LARP1: variants seen among roughly 807,000 people sequenced by gnomAD.
LARP1 encodes la-related protein 1.
In LARP1, 36 loss-of-function variants were observed where a neutral mutation model predicts 122.7. The ratio of observed to expected loss-of-function variants is 0.29; its 90% CI spans 0.22 to 0.39. The LOEUF (loss-of-function observed/expected upper bound fraction) is 0.39. LARP1 is among the 10% of genes least tolerant of loss of function. LARP1 has a pLI of 1.00. For synonymous variants in LARP1, 539 were observed against 528.7 expected (o/e 1.02, Z -0.27); for missense variants, 1,040 against 1,403.6 (o/e 0.74, Z 4.14).
At chr5:154,711,935 C>T (rs2113294895), upstream of LARP1, among the ~76,000 whole-genome samples, 1 of 152,300 alleles carries the variant, frequency 6.6e-6, no homozygotes, top group South Asian at 2.1e-4. Flanking sequence ...CTCCTGACCA[C>T]ATCATTGAAA....
Position 154,813,966 on chromosome 5 carries a change from G to A in LARP1, c.3161G>A (p.Cys1054Tyr), listed in dbSNP as rs1339571544. ...GGGGGEGRKR[C>Y]PSQSSSRPAA... Reference sequence around the variant, plus strand: ...GGCGGCGGTGAGGGCAGGAAGCGGTGCCCCTCCCAGTCTTCCAGCAGGCCT... The same window carrying A: ...GGCGGCGGTGAGGGCAGGAAGCGGTACCCCTCCCAGTCTTCCAGCAGGCCT... The change falls in exon 19 of 19, where the codon TGC becomes TAC. Residue 1054 changes from cysteine (C) to tyrosine (Y), a missense_variant. Physicochemically the swap from Cys to Tyr is radical, Grantham distance 194. Coordinates refer to ENST00000518297, the MANE Select transcript of LARP1 (RefSeq NM_033551.3). 6.2e-7 allele frequency: 1 copy of A among 1,613,920 alleles called. No homozygotes were observed. Among genetic ancestry groups the A allele is most frequent in the Non-Finnish European group, 8.5e-7 (1 of 1,179,974 alleles).
At position 154,734,107 on chromosome 5, in the gene LARP1, C is replaced by T. The variant is rs541170221; in HGVS notation, c.205+20977C>T. The stretch of plus-strand genomic sequence containing the variant: ...ACTTGAACCTGGGAGGCAGAGGTTG[C>T]AGTGAGCCGAGATCACGCTATTGTA... On this transcript the variant is annotated intron_variant, in intron 1 of 18. Coordinates refer to the LARP1 transcript ENST00000336314. Among the ~76,000 whole-genome samples, 11 of 150,704 alleles carry T rather than the reference C, an allele frequency of 7.3e-5. No individual in the cohort carries two copies. In the South Asian group the frequency reaches 2.3e-3, roughly 32 times the overall value.
intron 6 of LARP1, 47 bp from the exon 7 acceptor site, chr5:154,794,053 G>C: frequency 6.2e-7 from 1 of 1,611,542 alleles, no homozygotes; most frequent in Non-Finnish European, 8.5e-7. Context: ...CAGCAGGGGT[G>C]GTGGGCAGGA....
At chr5:154,703,872 CA>C (rs1278173263) in intron 1 of LARP1, among the ~76,000 whole-genome samples, 1 of 152,154 alleles carries the variant, frequency 6.6e-6, no homozygotes, top group African/African-American at 2.4e-5. Context: ...CCGCCCTCCT[CA>C]GCCTGCCAAA....
intron 8 of LARP1, among the ~76,000 whole-genome samples, chr5:154,798,145 C>T (rs946764067): frequency 3.9e-5 from 6 of 152,092 alleles, no homozygotes; most frequent in African/African-American, 1.4e-4. Context: ...TCTCCCTACC[C>T]CTATAATTTT....
chr5:154,770,232 ATT>A (rs113245853), intron 1 of LARP1, among the ~76,000 whole-genome samples: 26 of 141,104 alleles, frequency 1.8e-4, no homozygotes, highest in Admixed American at 1.4e-4. Context: ...CTTGGGCCTG[ATT>A]TTTTTTTTTT....
chr5:154,805,120 G>A lies in LARP1; in HGVS notation c.2547-761G>A, dbSNP rs557113015. On this transcript the variant is annotated intron_variant, in intron 14 of 18. Transcript: ENST00000518297. ...ATATTACTAAGAAAATCACAAAGAAGGGAACAACAAACACTGGGGCCTACT... is the reference window on the plus strand; with the variant it reads ...ATATTACTAAGAAAATCACAAAGAAAGGAACAACAAACACTGGGGCCTACT... 1.6e-4 allele frequency: 54 copies of A among 341,060 alleles called. 1 individual carries two copies. Among genetic ancestry groups the A allele is most frequent in the South Asian group, 1.1e-3 (45 of 42,254 alleles). The allele number at this position is 341,060 out of a possible 1,614,324, so 21.1% of individuals were successfully genotyped here.
At chr5:154,801,895 A>G (rs1237950466) in intron 10 of LARP1, 112 bp from the exon 11 acceptor site, 8 of 979,898 alleles carry the variant, frequency 8.2e-6, no homozygotes, top group African/African-American at 1.6e-5. Flanking sequence ...CCAGGGTCAT[A>G]GTTGAACAGT....
intron 1 of LARP1, among the ~76,000 whole-genome samples, chr5:154,749,779 G>A (rs967269841): frequency 6.6e-6 from 1 of 152,194 alleles, no homozygotes; most frequent in Non-Finnish European, 1.5e-5. Context: ...ATTAGTGCAA[G>A]CTCTTCCAGG....
chr5:154,731,191 G>GA (rs1160433245), intron 1 of LARP1, among the ~76,000 whole-genome samples: 26 of 150,824 alleles, frequency 1.7e-4, no homozygotes, highest in Admixed American at 9.2e-4. Flanking sequence ...TGTGAAAGGA[G>GA]AAAAAAAACA....
chr5:154,733,204 G>A (rs1756687017), intron 1 of LARP1, among the ~76,000 whole-genome samples: 1 of 152,188 alleles, frequency 6.6e-6, no homozygotes, highest in African/African-American at 2.4e-5. Context: ...ACCAATTTAA[G>A]TAACACATAC....
chr5:154,720,693 CAGAG>C (rs1335920508), intron 1 of LARP1, among the ~76,000 whole-genome samples: 1 of 152,054 alleles, frequency 6.6e-6, no homozygotes, highest in Non-Finnish European at 1.5e-5. Flanking sequence ...GCCTGGGCAA[CAGAG>C]AGAGACCGTG....
chr5:154,718,138 T>A (rs1755627129), intron 1 of LARP1, among the ~76,000 whole-genome samples: 1 of 152,136 alleles, frequency 6.6e-6, no homozygotes, highest in South Asian at 2.1e-4. Flanking sequence ...CCCAGCCTGG[T>A]CTCAAATTCC....
Position 154,795,302 on chromosome 5 carries a change from A to G in LARP1, c.1360A>G (p.Ile454Val). 6.2e-7 allele frequency: 1 copy of G among 1,613,758 alleles called. No homozygotes were observed. Among genetic ancestry groups the G allele is most frequent in the Non-Finnish European group, 8.5e-7 (1 of 1,179,872 alleles). ...FHRVQALTTD[I>V]SLIFAALKDS... ...CCGAGTGCAGGCCCTTACCACTGAC[A>G]TTTCACTCATCTTTGCGGTATGTCT... The change falls in exon 8 of 19, where the codon ATT becomes GTT. Residue 454 changes from isoleucine to valine, a missense_variant. By Grantham distance (29) the Ile-to-Val change is conservative (BLOSUM62 3). This residue lies in a region of LARP1 where 362 missense variants were observed against 533.1 expected (regional missense o/e 0.68). Coordinates refer to ENST00000518297, the MANE Select transcript of LARP1 (RefSeq NM_033551.3).
At chr5:154,699,313 C>T (rs1166240713) in intron 1 of LARP1, among the ~76,000 whole-genome samples, 1 of 152,098 alleles carries the variant, frequency 6.6e-6, no homozygotes, top group African/African-American at 2.4e-5. Context: ...GATTCTTGGG[C>T]CCCATTCCTG....
chr5:154,715,233 T>C (rs1286224195), intron 1 of LARP1, among the ~76,000 whole-genome samples: 3 of 151,014 alleles, frequency 2.0e-5, no homozygotes, highest in Non-Finnish European at 4.4e-5. Context: ...AGGGTCATGT[T>C]AGCCAGTCCC....
Position 154,717,349 on chromosome 5 carries a change from T to G in LARP1, c.205+4219T>G, listed in dbSNP as rs367936146. Among the ~76,000 whole-genome samples, 7 of 152,316 alleles carry G rather than the reference T, an allele frequency of 4.6e-5. No individual in the cohort carries two copies. The East Asian group carries it at 1.4e-3, about 29-fold the overall frequency. On this transcript the variant is annotated intron_variant, in intron 1 of 18. Transcript: ENST00000336314. ...TGGTTATTCAACCTCTGCATTGCAC[T>G]CTACTCCTTACTTACATAGCTGGGC...
In LARP1 at chr5:154,811,576, A is replaced by G. The variant is rs771852927; in HGVS notation, c.3017A>G (p.Asp1006Gly). 6.2e-7 allele frequency: 1 copy of G among 1,614,212 alleles called. No homozygotes were observed. The highest frequency in any genetic ancestry group is 8.5e-7 in the Non-Finnish European group (1 of 1,180,042). ...FLKYSKAKNL[D>G]IDPKLQEYLG... ...AAATATTCCAAAGCCAAAAATTTGG[A>G]CATTGACCCCAAACTGCAAGAATAC... Residue 1006 changes from aspartate to glycine, a missense_variant, in exon 18 of 19, where the codon GAC (aspartate) becomes GGC (glycine). By Grantham distance (94) the Asp-to-Gly change is moderately conservative (BLOSUM62 -1). Around this residue, in one of 8 missense-constraint regions of LARP1, gnomAD observed 129 missense variants for 160.8 expected, o/e 0.80. Transcript: ENST00000518297.
In LARP1 at chr5:154,815,903, G is replaced by C. The variant is rs898994082; in HGVS notation, c.*1807G>C. On this transcript the variant is annotated 3_prime_UTR_variant, in exon 19 of 19. Transcript: ENST00000518297. Reference sequence around the variant, plus strand: ...CATGACTGCACGTTCACTCTCAGTGGGATCTGGGCAACATGGAGTTCATTG... The same window carrying C: ...CATGACTGCACGTTCACTCTCAGTGCGATCTGGGCAACATGGAGTTCATTG... 2 of 152,244 alleles carry C rather than the reference G, an allele frequency of 1.3e-5. No homozygotes were observed. Among genetic ancestry groups the C allele is most frequent in the African/African-American group, 4.8e-5 (2 of 41,404 alleles). The allele number at this position is 152,244 out of a possible 1,614,324, so 9.4% of individuals were successfully genotyped here.
Sources: gnomAD v4.1 joint callset for allele counts (sites outside exome capture counted in the v4.1 genomes callset) on GRCh38, gnomAD v4.1.1 for gene constraint, gnomAD v4.1.1 regional missense constraint, MANE v1.5 for transcripts, NCBI Gene and HGNC (gene_info 2026-07-23, HGNC 2026-07-21) for gene names.